The following SNTG1 variants were observed in gnomAD, a reference collection of about 807,000 sequenced individuals.
SNTG1 encodes syntrophin gamma 1, also known as gamma-1-syntrophin.
Under a neutral mutation model 74.7 loss-of-function variants are expected in SNTG1, and 39 were observed. That is an observed-to-expected ratio of 0.52 (90% confidence interval 0.40 to 0.68). The LOEUF is 0.68. Ranked by LOEUF, SNTG1 falls within the 30% of genes least tolerant of loss-of-function variation. The pLI is 0.00. For missense variants in SNTG1, 685 were observed against 609.5 expected (o/e 1.12, Z -1.30); for synonymous variants, 254 against 217.1 (o/e 1.17, Z -1.49).
intron 18 of SNTG1, among the ~76,000 whole-genome samples, chr8:50,783,180 C>G (rs1368227233): frequency 6.6e-6 from 1 of 152,186 alleles, no homozygotes; most frequent in Non-Finnish European, 1.5e-5. Flanking sequence ...TCTGCCCATT[C>G]TCAGATCTCC....
At chr8:49,915,626 A>C (rs1805961148) in intron 1 of SNTG1, among the ~76,000 whole-genome samples, 1 of 152,220 alleles carries the variant, frequency 6.6e-6, no homozygotes, top group Admixed American at 6.5e-5. Context: ...CCTTCAAAGA[A>C]TCTATCATGT....
At chr8:50,652,843 G>C (rs906299788) in intron 13 of SNTG1, among the ~76,000 whole-genome samples, 8 of 151,346 alleles carry the variant, frequency 5.3e-5, no homozygotes, top group Admixed American at 4.6e-4. Flanking sequence ...TAAATAAAAG[G>C]TATGTTATCA....
intron 1 of SNTG1, among the ~76,000 whole-genome samples, chr8:50,049,624 C>T (rs1350151967): frequency 2.0e-5 from 3 of 152,020 alleles, no homozygotes; most frequent in Non-Finnish European, 4.4e-5. Flanking sequence ...AACTAAGCAG[C>T]ACCTCAATCA....
chr8:50,354,446 A>T (rs2091761691), intron 2 of SNTG1, among the ~76,000 whole-genome samples: 1 of 152,146 alleles, frequency 6.6e-6, no homozygotes, highest in Non-Finnish European at 1.5e-5. Flanking sequence ...GGTATGGGAT[A>T]ACATTTTCTA....
At chr8:50,140,108 T>C (rs1023179760) in intron 1 of SNTG1, among the ~76,000 whole-genome samples, 5 of 152,350 alleles carry the variant, frequency 3.3e-5, no homozygotes, top group Admixed American at 1.3e-4. Flanking sequence ...CCCAGTTTAT[T>C]TGATAAAAAA....
chr8:50,246,577 G>A (rs1303508849), intron 2 of SNTG1, among the ~76,000 whole-genome samples: 1 of 151,708 alleles, frequency 6.6e-6, no homozygotes, highest in East Asian at 1.9e-4. Context: ...TAAGGTGGAT[G>A]CCTAATGATT....
intron 2 of SNTG1, among the ~76,000 whole-genome samples, chr8:50,224,978 TA>T (rs1204582800): frequency 6.6e-6 from 1 of 152,110 alleles, no homozygotes; most frequent in African/African-American, 2.4e-5. Context: ...TTTTTATTTT[TA>T]TTTTTTTTTG....
At chr8:50,502,971 G>A (rs2093976064) in intron 9 of SNTG1, 91 bp downstream of exon 9, 6 of 1,135,476 alleles carry the variant, frequency 5.3e-6, no homozygotes, top group South Asian at 1.6e-5. Context: ...TCTTCTTAAA[G>A]TTGAGATTTT....
chr8:50,772,952 G>A (rs2095631070), intron 18 of SNTG1, among the ~76,000 whole-genome samples: 1 of 151,944 alleles, frequency 6.6e-6, no homozygotes, highest in Non-Finnish European at 1.5e-5. Context: ...TTCCCTTTCT[G>A]CCATGAGGTG....
chr8:50,761,286 G>A (rs1364169998), intron 18 of SNTG1, among the ~76,000 whole-genome samples: 2 of 151,900 alleles, frequency 1.3e-5, no homozygotes, highest in Non-Finnish European at 2.9e-5. Context: ...GATTCAGTCA[G>A]GCATGACGTA....
At chr8:50,674,760 G>A (rs748730168) in intron 15 of SNTG1, among the ~76,000 whole-genome samples, 2 of 152,004 alleles carry the variant, frequency 1.3e-5, no homozygotes, top group Non-Finnish European at 2.9e-5. Context: ...TGATGTTAGG[G>A]TGTAGATTTG....
At chr8:50,403,831 A>G (rs1587492861) in intron 4 of SNTG1, among the ~76,000 whole-genome samples, 1 of 152,228 alleles carries the variant, frequency 6.6e-6, no homozygotes, top group South Asian at 2.1e-4. Flanking sequence ...GACAACTGTC[A>G]TCTAATTAAA....
chr8:50,754,224 A>G (rs2095574617), intron 18 of SNTG1, among the ~76,000 whole-genome samples: 1 of 151,998 alleles, frequency 6.6e-6, no homozygotes, highest in Non-Finnish European at 1.5e-5. Context: ...AAATTGCACC[A>G]TAGAATAGAA....
chr8:50,252,848 G>A (rs35857674), intron 2 of SNTG1, among the ~76,000 whole-genome samples: 39,951 of 152,042 alleles, frequency 0.26, 5,317 homozygotes, highest in Middle Eastern at 0.37. Context: ...ATTTGAAGGG[G>A]ACAAAACATT....
At chr8:50,588,879 C>T (rs947485927) in intron 12 of SNTG1, among the ~76,000 whole-genome samples, 51 of 152,184 alleles carry the variant, frequency 3.4e-4, no homozygotes, top group African/African-American at 1.2e-3. Context: ...CAAAGACAAT[C>T]TACACATAAT....
At chr8:50,068,586 G>T (rs762962438) in intron 1 of SNTG1, among the ~76,000 whole-genome samples, 1 of 152,166 alleles carries the variant, frequency 6.6e-6, no homozygotes, top group Non-Finnish European at 1.5e-5. Flanking sequence ...TTTTCCAGTC[G>T]CATGGAGCAC....
At chr8:50,078,307 A>T (rs1375229110) in intron 1 of SNTG1, among the ~76,000 whole-genome samples, 2 of 152,146 alleles carry the variant, frequency 1.3e-5, no homozygotes, top group African/African-American at 4.8e-5. Flanking sequence ...TCTATGATAA[A>T]TGACAGTTAG....
intron 2 of SNTG1, among the ~76,000 whole-genome samples, chr8:50,185,905 T>G (rs1265696466): frequency 6.6e-6 from 1 of 151,806 alleles, no homozygotes. Context: ...GGTATACATG[T>G]GCCATGGTGG....
At chr8:50,720,055 G>A (rs1026471686) in intron 17 of SNTG1, among the ~76,000 whole-genome samples, 7 of 152,022 alleles carry the variant, frequency 4.6e-5, no homozygotes, top group African/African-American at 1.7e-4. Context: ...TTTAATTTAG[G>A]CAACTGGCCC....
Sources: gnomAD v4.1 joint callset for allele counts (sites outside exome capture counted in the v4.1 genomes callset) on GRCh38, gnomAD v4.1.1 for gene constraint, MANE v1.5 for transcripts, NCBI Gene and HGNC (gene_info 2026-07-23, HGNC 2026-07-21) for gene names.